The following PTPRT variants were observed in gnomAD, a reference collection of about 807,000 sequenced individuals.
The protein encoded by PTPRT is protein tyrosine phosphatase receptor type T.
A neutral mutation model predicts 176.8 loss-of-function variants in PTPRT; 56 were observed. The ratio of observed to expected loss-of-function variants is 0.32; its 90% CI spans 0.26 to 0.40. The LOEUF (loss-of-function observed/expected upper bound fraction) is 0.40. PTPRT is among the 10% of genes least tolerant of loss of function. The pLI, the probability that PTPRT is intolerant of heterozygous loss-of-function variation, is 1.00. For synonymous variants in PTPRT, 783 were observed against 739.0 expected (o/e 1.06, Z -0.96); for missense variants, 1,540 against 1,908.2 (o/e 0.81, Z 3.60).
intron 2 of PTPRT, among the ~76,000 whole-genome samples, chr20:42,809,923 A>G (rs1485535832): frequency 6.6e-6 from 1 of 152,198 alleles, no homozygotes; most frequent in Non-Finnish European, 1.5e-5. Flanking sequence ...GCCGTGATTC[A>G]ACCCCACTAC....
At chr20:42,254,698 A>C (rs544357719) in intron 13 of PTPRT, among the ~76,000 whole-genome samples, 3 of 152,202 alleles carry the variant, frequency 2.0e-5, no homozygotes, top group Non-Finnish European at 4.4e-5. Context: ...GCTAAAGCCC[A>C]GACCCTTTCA....
chr20:42,715,668 C>A (rs4810369), intron 6 of PTPRT, among the ~76,000 whole-genome samples: 3 of 151,986 alleles, frequency 2.0e-5, no homozygotes, highest in Non-Finnish European at 2.9e-5. Context: ...CGTGACAGTG[C>A]AGAAAAATAT....
rs916445595 is a variant in PTPRT, at chr20:42,999,512, T to C, written c.89-113580A>G. Among the ~76,000 whole-genome samples the C allele has an allele frequency of 5.9e-5, 9 of 152,038 alleles. No homozygotes were observed. In the East Asian group the frequency reaches 1.2e-3, roughly 20 times the overall value. ...GGCTCATGAGTGTAATCCTAACACA[T>C]TGGGAGGCCAAGGCACGTGGGCCAC... On this transcript the variant is annotated intron_variant, in intron 1 of 30. Coordinates refer to ENST00000373187, the MANE Select transcript of PTPRT (RefSeq NM_007050.6).
intron 9 of PTPRT, among the ~76,000 whole-genome samples, chr20:42,373,370 T>C (rs2058612053): frequency 6.6e-6 from 1 of 152,188 alleles, no homozygotes; most frequent in African/African-American, 2.4e-5. Context: ...TCATTTTTAA[T>C]CCTTATTTTC....
chr20:42,614,722 A>G (rs191238184), intron 7 of PTPRT, among the ~76,000 whole-genome samples: 152 of 152,250 alleles, frequency 1.0e-3, no homozygotes, highest in African/African-American at 3.5e-3. Context: ...GTTCATTTTC[A>G]TGCTGCTGAT....
At chr20:42,281,208 G>T (rs1013172319) in intron 13 of PTPRT, among the ~76,000 whole-genome samples, 21 of 152,112 alleles carry the variant, frequency 1.4e-4, no homozygotes, top group Non-Finnish European at 1.0e-4. Context: ...TCTGTGATTT[G>T]TGTCACTTTT....
intron 7 of PTPRT, among the ~76,000 whole-genome samples, chr20:42,481,823 T>A (rs2071391509): frequency 6.6e-6 from 1 of 151,604 alleles, no homozygotes; most frequent in Non-Finnish European, 1.5e-5. Context: ...TGTATATATA[T>A]GGTTATCATA....
intron 1 of PTPRT, among the ~76,000 whole-genome samples, chr20:43,127,233 C>A (rs913624862): frequency 5.3e-5 from 8 of 152,002 alleles, no homozygotes; most frequent in African/African-American, 1.2e-4. Flanking sequence ...ACCATCCTGG[C>A]TAACATGGTG....
chr20:42,946,184 G>A (rs191277527), intron 1 of PTPRT, among the ~76,000 whole-genome samples: 42 of 152,204 alleles, frequency 2.8e-4, no homozygotes, highest in Admixed American at 1.6e-3. Flanking sequence ...TGGGGACATC[G>A]GAATCATTGC....
At chr20:43,117,665 C>T (rs558341591) in intron 1 of PTPRT, among the ~76,000 whole-genome samples, 1 of 152,142 alleles carries the variant, frequency 6.6e-6, no homozygotes, top group Non-Finnish European at 1.5e-5. Context: ...GAATCAACTT[C>T]AGAAAAACAA....
In PTPRT at chr20:43,189,739, C is replaced by G; in HGVS notation, c.-6G>C. The G allele has an allele frequency of 8.1e-7, 1 of 1,230,164 alleles. No individual in the cohort carries two copies. Among genetic ancestry groups the G allele is most frequent in the Non-Finnish European group, 1.0e-6 (1 of 987,166 alleles). The allele number at this position is 1,230,164 out of a possible 1,614,324, so 76.2% of individuals were successfully genotyped here. A position where few individuals can be genotyped will look rare whatever the true frequency, so the allele number is the denominator to read the frequency against. ...AGCGCGGCGAGGCTCGCCATCCGGG[C>G]GGCGGCGGGCAGCTCAGCCCCTTCC... On this transcript the variant is annotated 5_prime_UTR_variant, in exon 1 of 31. Transcript: ENST00000373187. The surrounding 1 kb of genome is among the most constrained non-coding windows in gnomAD (Gnocchi z 5.0).
chr20:43,057,763 G>A (rs982072937), intron 1 of PTPRT, among the ~76,000 whole-genome samples: 9 of 152,232 alleles, frequency 5.9e-5, no homozygotes, highest in Admixed American at 5.9e-4. Flanking sequence ...AATATGCCTT[G>A]TACTTCCAGA....
intron 1 of PTPRT, among the ~76,000 whole-genome samples, chr20:43,014,476 T>C (rs1269695685): frequency 2.0e-5 from 3 of 152,178 alleles, no homozygotes; most frequent in Non-Finnish European, 4.4e-5. Context: ...GGGCATTATT[T>C]TCCAGCCACA....
chr20:42,236,999 T>C lies in PTPRT; in HGVS notation c.2313-741A>G, dbSNP rs186301616. ...TCTCTCTTAGAACCCTCAGTCTCCA[T>C]AGAAGAAGCCCAGTTTCCCTGAGGC... On this transcript the variant is annotated intron_variant, in intron 14 of 30. Transcript: ENST00000373187. 2.4e-3 allele frequency among the ~76,000 whole-genome samples: 372 copies of C among 152,204 alleles called. 1 individual carries two copies. The highest frequency in any genetic ancestry group is 3.4e-3 in the Non-Finnish European group (234 of 68,002).
At chr20:42,643,285 C>T (rs1371348044) in intron 7 of PTPRT, among the ~76,000 whole-genome samples, 2 of 152,082 alleles carry the variant, frequency 1.3e-5, no homozygotes, top group Non-Finnish European at 2.9e-5. Context: ...TATACAAAAA[C>T]CCATGAGGTA....
intron 3 of PTPRT, among the ~76,000 whole-genome samples, chr20:42,782,157 T>C (rs1205865793): frequency 6.6e-6 from 1 of 152,222 alleles, no homozygotes; most frequent in Non-Finnish European, 1.5e-5. Flanking sequence ...TAGGCTCAGA[T>C]AACACTTTAT....
At chr20:42,998,008 A>G (rs1984322502) in intron 1 of PTPRT, among the ~76,000 whole-genome samples, 1 of 152,184 alleles carries the variant, frequency 6.6e-6, no homozygotes, top group Non-Finnish European at 1.5e-5. Context: ...TTGCAAGCAG[A>G]GACCCCAGAG....
intron 1 of PTPRT, among the ~76,000 whole-genome samples, chr20:43,119,869 G>C (rs1363673699): frequency 6.6e-6 from 1 of 152,198 alleles, no homozygotes; most frequent in East Asian, 1.9e-4. Flanking sequence ...CAGGAAATCA[G>C]GTACCAGAAG....
In PTPRT at chr20:42,505,162, A is replaced by G. The variant is rs1601147625; in HGVS notation, c.1154-32600T>C. Among the ~76,000 whole-genome samples the G allele has an allele frequency of 2.0e-5, 3 of 152,202 alleles. No individual in the cohort carries two copies. The South Asian group carries it at 6.2e-4, about 32-fold the overall frequency. On this transcript the variant is annotated intron_variant, in intron 7 of 30. Coordinates refer to ENST00000373187, the MANE Select transcript of PTPRT (RefSeq NM_007050.6). Reference sequence around the variant, plus strand: ...AGCCTACTGCTCTGTGTATCAAGTGATTCTTAAGTTACGTAAATATGCCTG... The same window carrying G: ...AGCCTACTGCTCTGTGTATCAAGTGGTTCTTAAGTTACGTAAATATGCCTG...
Sources: gnomAD v4.1 joint callset for allele counts (sites outside exome capture counted in the v4.1 genomes callset) on GRCh38, gnomAD v4.1.1 for gene constraint, Gnocchi (gnomAD v3.1) non-coding constraint, MANE v1.5 for transcripts, NCBI Gene and HGNC (gene_info 2026-07-23, HGNC 2026-07-21) for gene names.